NRG1: variants seen among roughly 807,000 people sequenced by gnomAD.
The protein encoded by NRG1 is pro-neuregulin-1, membrane-bound isoform.
In NRG1, 18 loss-of-function variants were observed where a neutral mutation model predicts 63.8. That is an observed-to-expected ratio of 0.28 (90% CI 0.19 to 0.42). The LOEUF (loss-of-function observed/expected upper bound fraction) is 0.42, where lower values mean the gene tolerates loss of function less well. Among genes scored for constraint, NRG1 ranks in the 10% least tolerant of loss-of-function variants. The pLI is 1.00. For missense variants in NRG1, 762 were observed against 814.7 expected (o/e 0.94, Z 0.79); for synonymous variants, 302 against 301.3 (o/e 1.00, Z -0.02).
chr8:31,785,204 T>C (rs1299439273), intron 1 of NRG1, among the ~76,000 whole-genome samples: 3 of 151,916 alleles, frequency 2.0e-5, no homozygotes, highest in African/African-American at 7.3e-5. Context: ...AATGGGCAAA[T>C]GGAGATAGGT....
Position 32,688,951 on chromosome 8 carries a change from C to T in NRG1, c.503-38998C>T, listed in dbSNP as rs553183740. Among the ~76,000 whole-genome samples the T allele has an allele frequency of 2.0e-5, 3 of 152,226 alleles. No homozygotes were observed. In the East Asian group the frequency reaches 5.8e-4, roughly 29 times the overall value. On this transcript the variant is annotated intron_variant, in intron 5 of 11. Coordinates refer to ENST00000356819, the Ensembl canonical transcript of NRG1. ...ATATTGCCTAGGCTCTGGTTGGCCT[C>T]CTAGGGTCGTCACACCATAATCTTA...
chr8:32,301,846 A>G (rs1855601460), intron 1 of NRG1, among the ~76,000 whole-genome samples: 1 of 152,160 alleles, frequency 6.6e-6, no homozygotes, highest in South Asian at 2.1e-4. Flanking sequence ...ACACTTCAAC[A>G]TGAGATTTGG....
At chr8:32,748,065 A>G (rs4733373) in intron 7 of NRG1, among the ~76,000 whole-genome samples, 26,215 of 151,886 alleles carry the variant, frequency 0.17, 2,703 homozygotes, top group East Asian at 0.36. Context: ...GGCAGGACCC[A>G]AAACCAAGAT....
intron 1 of NRG1, among the ~76,000 whole-genome samples, chr8:32,186,332 G>GC (rs1841961722): frequency 6.6e-6 from 1 of 151,798 alleles, no homozygotes; most frequent in South Asian, 2.1e-4. Context: ...GTGATGGTGG[G>GC]CCCCTGTAGT....
chr8:32,379,416 G>C (rs1455987589), intron 1 of NRG1, among the ~76,000 whole-genome samples: 1 of 152,110 alleles, frequency 6.6e-6, no homozygotes, highest in East Asian at 1.9e-4. Flanking sequence ...AATAACAAGA[G>C]AATAAAACTC....
intron 5 of NRG1, among the ~76,000 whole-genome samples, chr8:32,630,430 C>A (rs1469497995): frequency 6.6e-6 from 1 of 152,086 alleles, no homozygotes; most frequent in South Asian, 2.1e-4. Context: ...CCAGTGCGCA[C>A]ACATTTGGGA....
At chr8:32,458,304 A>C (rs1454357880) in intron 1 of NRG1, among the ~76,000 whole-genome samples, 1 of 152,246 alleles carries the variant, frequency 6.6e-6, no homozygotes, top group Admixed American at 6.5e-5. Context: ...CATGTTGTAC[A>C]GCTTAAATAT....
At chr8:32,590,800 C>G (rs1842394215) in intron 1 of NRG1, among the ~76,000 whole-genome samples, 1 of 151,930 alleles carries the variant, frequency 6.6e-6, no homozygotes, top group Non-Finnish European at 1.5e-5. Flanking sequence ...TGAAAATTGA[C>G]TCATTATGGA....
At chr8:32,032,923 C>T (rs970796220) in intron 1 of NRG1, among the ~76,000 whole-genome samples, 2 of 151,980 alleles carry the variant, frequency 1.3e-5, no homozygotes, top group Non-Finnish European at 2.9e-5. Context: ...AGTCTTTATT[C>T]CATCTTGAGT....
chr8:32,573,515 G>A (rs566366877), intron 1 of NRG1, among the ~76,000 whole-genome samples: 7 of 152,230 alleles, frequency 4.6e-5, no homozygotes, highest in Admixed American at 3.9e-4. Flanking sequence ...ATTTGCTGTA[G>A]CAATATTCAA....
At chr8:32,025,740 G>A (rs1817162759) in intron 1 of NRG1, among the ~76,000 whole-genome samples, 1 of 151,980 alleles carries the variant, frequency 6.6e-6, no homozygotes, top group African/African-American at 2.4e-5. Flanking sequence ...GAGGTCAGGA[G>A]ATCGAGACCA....
intron 11 of NRG1, chr8:32,763,073 G>C (rs1432576037): frequency 6.1e-6 from 5 of 813,352 alleles, no homozygotes; most frequent in Non-Finnish European, 9.6e-6. Context: ...GCTTACCTTT[G>C]ACTGTGTTTG....
At position 32,293,713 on chromosome 8, in the gene NRG1, T is replaced by A. The variant is rs111297938; in HGVS notation, c.38-302115T>A. On this transcript the variant is annotated intron_variant, in intron 1 of 10. Transcript: ENST00000519301. Reference sequence around the variant, plus strand: ...TTTTTACTATTTCTTTTTTCTTTTCTTCTTCTTTTTTTTTTTTTTTTTTTG... The same window carrying A: ...TTTTTACTATTTCTTTTTTCTTTTCATCTTCTTTTTTTTTTTTTTTTTTTG... 3.5e-5 allele frequency among the ~76,000 whole-genome samples: 5 copies of A among 141,494 alleles called. No individual in the cohort carries two copies. In the South Asian group the frequency reaches 1.1e-3, roughly 32 times the overall value. 92.8% of individuals were successfully genotyped at this position (141,494 alleles called of 152,430 possible).
chr8:32,063,026 A>G (rs2130927376), intron 1 of NRG1: 1 of 152,230 alleles, frequency 6.6e-6, no homozygotes, highest in Admixed American at 6.6e-5. Context: ...AAAGCTATGA[A>G]TTTTGGCACT....
intron 1 of NRG1, among the ~76,000 whole-genome samples, chr8:32,207,825 T>A (rs1004312130): frequency 4.6e-5 from 7 of 152,210 alleles, no homozygotes; most frequent in Non-Finnish European, 8.8e-5. Flanking sequence ...GCAACTCACA[T>A]CTCTAGCCCA....
In NRG1 at chr8:31,809,335, C is replaced by CATATAT. The variant is rs150912287; in HGVS notation, c.37+169912_37+169917dup. ...AGTTTTTTTTTTCTCTCTCTCTCTC[C>CATATAT]ATATATATATATACACACACACACA... On this transcript the variant is annotated intron_variant, in intron 1 of 10. Transcript: ENST00000519301. 1.3e-4 allele frequency among the ~76,000 whole-genome samples: 18 copies of CATATAT among 138,676 alleles called. No homozygotes were observed. In the East Asian group the frequency reaches 3.3e-3, roughly 26 times the overall value. 91.0% of individuals were successfully genotyped at this position (138,676 alleles called of 152,430 possible).
intron 1 of NRG1, among the ~76,000 whole-genome samples, chr8:32,259,399 A>C (rs534714105): frequency 4.3e-4 from 65 of 152,126 alleles, no homozygotes; most frequent in Non-Finnish European, 2.1e-4. Context: ...TAAAAGCATA[A>C]ATTTCACCCC....
chr8:32,748,358 C>CACAGAGAGAGAGAGAGAGAGAG lies in NRG1; in HGVS notation c.691+5626_691+5627insCAGAGAGAGAGAGAGAGAGAGA, dbSNP rs748763782. 6.5e-4 allele frequency among the ~76,000 whole-genome samples: 79 copies of CACAGAGAGAGAGAGAGAGAGAG among 121,988 alleles called. 2 individuals are homozygous for CACAGAGAGAGAGAGAGAGAGAG. The highest frequency in any genetic ancestry group is 1.3e-3 in the Admixed American group (15 of 11,566). 80.0% of individuals were successfully genotyped at this position (121,988 alleles called of 152,430 possible). On this transcript the variant is annotated intron_variant, in intron 7 of 11. Transcript: ENST00000356819. Reference sequence around the variant, plus strand: ...GCGCGCGCACACACACACACACACACAGAGAGAGAGAGAGAGAGAGAGAGA... The same window carrying CACAGAGAGAGAGAGAGAGAGAG: ...GCGCGCGCACACACACACACACACACACAGAGAGAGAGAGAGAGAGAGAGAGAGAGAGAGAGAGAGAGAGAGA...
chr8:32,147,751 A>G (rs754410679), intron 1 of NRG1, among the ~76,000 whole-genome samples: 2 of 152,208 alleles, frequency 1.3e-5, no homozygotes, highest in Non-Finnish European at 2.9e-5. Flanking sequence ...GATTCCATTC[A>G]TAACAGCACA....
Sources: allele counts gnomAD v4.1 joint callset (sites outside exome capture counted in the v4.1 genomes callset), GRCh38; gene constraint gnomAD v4.1.1; transcripts MANE v1.5; gene names NCBI Gene and HGNC (gene_info 2026-07-23, HGNC 2026-07-21).